Variants in DTHD1 observed in about 807,000 individuals in gnomAD.
The protein encoded by DTHD1 is death domain containing 1.
DTHD1 carries 59 observed loss-of-function variants against 74.8 expected under a neutral mutation model. The observed-to-expected ratio is 0.79, with a 90% CI of 0.64 to 0.98. DTHD1 has a LOEUF of 0.98. Ranked by LOEUF, DTHD1 falls within the 50% of genes least tolerant of loss-of-function variation. DTHD1 has a pLI of 0.00. For missense variants in DTHD1, 1,051 were observed against 1,065.4 expected (o/e 0.99, Z 0.19); for synonymous variants, 365 against 371.1 (o/e 0.98, Z 0.19).
At chr4:36,327,799 A>C (rs1758438806) in intron 8 of DTHD1, among the ~76,000 whole-genome samples, 1 of 152,106 alleles carries the variant, frequency 6.6e-6, no homozygotes, top group Non-Finnish European at 1.5e-5. Context: ...ATTTTCTGAA[A>C]TATCTAGATC....
intron 8 of DTHD1, among the ~76,000 whole-genome samples, chr4:36,331,921 T>C (rs1758703092): frequency 1.3e-5 from 2 of 152,230 alleles, no homozygotes; most frequent in African/African-American, 2.4e-5. Flanking sequence ...CAACTTCTTA[T>C]GACAAATGGC....
intron 2 of DTHD1, among the ~76,000 whole-genome samples, chr4:36,287,671 G>A (rs1755791398): frequency 1.3e-5 from 2 of 152,180 alleles, no homozygotes; most frequent in South Asian, 4.2e-4. Context: ...TTTGATTATG[G>A]CCATTCTTGC....
chr4:36,338,201 G>A (rs993532403), intron 8 of DTHD1, among the ~76,000 whole-genome samples: 11 of 152,288 alleles, frequency 7.2e-5, no homozygotes, highest in Admixed American at 2.0e-4. Context: ...TTTCAAGAAT[G>A]TGATATAATC....
intron 7 of DTHD1, among the ~76,000 whole-genome samples, chr4:36,313,898 A>T (rs1376230044): frequency 2.0e-5 from 3 of 152,164 alleles, no homozygotes; most frequent in Non-Finnish European, 2.9e-5. Context: ...AGTAGTATGG[A>T]AACAGAAGTT....
intron 2 of DTHD1, among the ~76,000 whole-genome samples, chr4:36,288,632 T>C (rs940647500): frequency 2.6e-5 from 4 of 152,244 alleles, no homozygotes; most frequent in Admixed American, 6.5e-5. Context: ...TTTGGCTTTA[T>C]TTCAGGGTCC....
intron 8 of DTHD1, among the ~76,000 whole-genome samples, chr4:36,329,986 A>T (rs973117468): frequency 6.6e-6 from 1 of 152,216 alleles, no homozygotes; most frequent in African/African-American, 2.4e-5. Context: ...AAACGTATTT[A>T]TGTAGGCAAC....
At chr4:36,319,431 G>A (rs1426472003) in intron 8 of DTHD1, among the ~76,000 whole-genome samples, 3 of 152,198 alleles carry the variant, frequency 2.0e-5, no homozygotes, top group Admixed American at 1.3e-4. Context: ...CTAAGGCATC[G>A]ATGTGGATCA....
At chr4:36,289,225 T>TA (rs1339850995) in intron 2 of DTHD1, among the ~76,000 whole-genome samples, 1 of 152,148 alleles carries the variant, frequency 6.6e-6, no homozygotes, top group East Asian at 1.9e-4. Flanking sequence ...TGAGAAGTAG[T>TA]AAAAAAAGAG....
In DTHD1 at chr4:36,346,242, T is replaced by G. The variant is rs28454640; in HGVS notation, c.*2418T>G. The stretch of plus-strand genomic sequence containing the variant: ...TTAATATGCCTCCCCCACAGACACA[T>G]GCACACACACACACGACATCTCACT... On this transcript the variant is annotated 3_prime_UTR_variant, in exon 10 of 10. Transcript: ENST00000639862. 0.068 allele frequency among the ~76,000 whole-genome samples: 10,273 copies of G among 151,536 alleles called. 718 individuals are homozygous for G. Among genetic ancestry groups the G allele is most frequent in the East Asian group, 0.21 (1,080 of 5,136 alleles).
rs1486170259 is a variant in DTHD1, at chr4:36,284,571, G to T, written c.867G>T (p.Lys289Asn). ...LPNDSENIKH[K>N]NNIMEKEYLD... The stretch of plus-strand genomic sequence containing the variant: ...ATGATTCAGAGAATATAAAGCACAA[G>T]AATAACATAATGGAAAAGGAGTAAG... The change falls in exon 2 of 10, where the codon AAG (lysine) becomes AAT (asparagine). Residue 289 changes from lysine to asparagine, a missense_variant. Physicochemically the swap from Lys to Asn is moderately conservative, Grantham distance 94 (BLOSUM62 0). Coordinates refer to ENST00000639862, the MANE Select transcript of DTHD1 (RefSeq NM_001170700.3). The T allele has an allele frequency of 1.3e-6, 2 of 1,518,736 alleles. No homozygotes were observed. Among genetic ancestry groups the T allele is most frequent in the East Asian group, 2.5e-5 (1 of 40,776 alleles). The allele number at this position is 1,518,736 out of a possible 1,614,324, so 94.1% of individuals were successfully genotyped here.
chr4:36,308,071 C>T, intron 6 of DTHD1, 133 bp from the exon 7 acceptor site: 1 of 905,170 alleles, frequency 1.1e-6, no homozygotes, highest in Non-Finnish European at 1.6e-6. Context: ...TGAATCTCAC[C>T]TGTTGTCTTT....
intron 7 of DTHD1, among the ~76,000 whole-genome samples, chr4:36,309,707 A>G (rs1757275118): frequency 6.6e-6 from 1 of 152,156 alleles, no homozygotes; most frequent in Non-Finnish European, 1.5e-5. Context: ...AACCCAACTA[A>G]ACACTGACAC....
Position 36,293,515 on chromosome 4 carries a change from A to C in DTHD1, c.1219-11A>C, listed in dbSNP as rs1365642665. On this transcript the variant is annotated splice_polypyrimidine_tract_variant and intron_variant, in intron 3 of 9. Transcript: ENST00000639862. Reference sequence around the variant, plus strand: ...GCTATAGCTTATTTTAATGTTCTTTATTCTATACAGGGGACCTGTGCTTCA... The same window carrying C: ...GCTATAGCTTATTTTAATGTTCTTTCTTCTATACAGGGGACCTGTGCTTCA... The C allele has an allele frequency of 1.3e-6, 2 of 1,509,228 alleles. No individual in the cohort carries two copies. Among genetic ancestry groups the C allele is most frequent in the Admixed American group, 4.3e-5 (2 of 46,530 alleles). 93.5% of individuals were successfully genotyped at this position (1,509,228 alleles called of 1,614,324 possible).
intron 5 of DTHD1, among the ~76,000 whole-genome samples, chr4:36,295,741 A>G (rs1477495649): frequency 1.3e-5 from 2 of 152,124 alleles, no homozygotes; most frequent in Non-Finnish European, 2.9e-5. Context: ...GCCAAGAAAC[A>G]CTAGCAGAAA....
At chr4:36,327,447 ATCTT>A (rs1758419171) in intron 8 of DTHD1, among the ~76,000 whole-genome samples, 1 of 152,224 alleles carries the variant, frequency 6.6e-6, no homozygotes, top group African/African-American at 2.4e-5. Flanking sequence ...AATGCTGTAT[ATCTT>A]TCTTTGATTT....
chr4:36,316,243 CAA>C lies in DTHD1; in HGVS notation c.2098_2099del (p.Asn700ArgfsTer19), dbSNP rs1560805947. ...RFTGNIFASS[N>X]GKDYGKDYTL... Reference sequence around the variant, plus strand: ...TAAATACATTTTACTTCTATTTAGGCAACGGGAAGGATTATGGAAAAGACTAC... The same window carrying C: ...TAAATACATTTTACTTCTATTTAGGCCGGGAAGGATTATGGAAAAGACTAC... On this transcript the variant is annotated frameshift_variant and splice_region_variant, in exon 8 of 10. Coordinates refer to ENST00000639862, the MANE Select transcript of DTHD1 (RefSeq NM_001170700.3). LOFTEE classifies it high-confidence loss of function. 5.8e-6 allele frequency: 9 copies of C among 1,548,650 alleles called. No homozygotes were observed.
chr4:36,301,015 T>G (rs1756737551), intron 5 of DTHD1, among the ~76,000 whole-genome samples: 1 of 152,160 alleles, frequency 6.6e-6, no homozygotes, highest in Non-Finnish European at 1.5e-5. Flanking sequence ...AAACTATCCT[T>G]GAAAAATTCC....
rs1262747941 is a variant in DTHD1 at position 36,343,602 on chromosome 4, T to G, written c.2499T>G (p.Ile833Met). ...SSTLPLRRST[I>M]QLIKLKNPDD... is the part of the protein sequence containing the mutation. ...CTCTCCCTCTGCGCCGTAGCACCAT[T>G]CAGCTCATCAAACTCAAGAACCCTG... The change falls in exon 10 of 10, where the codon ATT becomes ATG. Residue 833 changes from isoleucine (I) to methionine (M), a missense_variant. By Grantham distance (10) the Ile-to-Met change is conservative. Transcript: ENST00000639862. The G allele has an allele frequency of 1.3e-6, 2 of 1,551,632 alleles. No individual in the cohort carries two copies. The highest frequency in any genetic ancestry group is 3.9e-5 in the Admixed American group (2 of 50,904).
intron 9 of DTHD1, among the ~76,000 whole-genome samples, chr4:36,339,652 A>T (rs1003213777): frequency 1.3e-5 from 2 of 152,352 alleles, no homozygotes; most frequent in Non-Finnish European, 2.9e-5. Context: ...ATTTCAGGGT[A>T]GAATTGGAAA....
Sources: allele counts gnomAD v4.1 joint callset (sites outside exome capture counted in the v4.1 genomes callset), GRCh38; gene constraint gnomAD v4.1.1; transcripts MANE v1.5; gene names NCBI Gene and HGNC (gene_info 2026-07-23, HGNC 2026-07-21).